FCHO1: variants seen among roughly 807,000 people sequenced by gnomAD.
FCHO1 encodes the protein F-BAR domain only protein 1.
In FCHO1, 45 loss-of-function variants were observed where a neutral mutation model predicts 114.4. The ratio of observed to expected loss-of-function variants is 0.39; its 90% CI spans 0.31 to 0.50. The LOEUF (loss-of-function observed/expected upper bound fraction) is 0.50. Among genes scored for constraint, FCHO1 ranks in the 20% least tolerant of loss-of-function variants. FCHO1 has a pLI of 0.77. For missense variants in FCHO1, 1,042 were observed against 1,209.6 expected, an observed-to-expected ratio of 0.86 and a Z score of 2.06; for synonymous variants, 480 against 488.9, an observed-to-expected ratio of 0.98 and a Z score of 0.24.
chr19:17,786,434 C>A, intron 26 of FCHO1, 140 bp from the exon 27 acceptor site: 2 of 767,508 alleles, frequency 2.6e-6, no homozygotes, highest in Non-Finnish European at 4.3e-6. Context: ...ATCTCACCCT[C>A]ATTTCACAGA....
rs771353070 is a variant in FCHO1, at chr19:17,778,098, G to T, written c.1260-39G>T. 6 of 1,525,400 alleles carry T rather than the reference G, an allele frequency of 3.9e-6. No individual in the cohort carries two copies. The Admixed American group carries it at 8.4e-5, about 21-fold the overall frequency. 94.5% of individuals were successfully genotyped at this position (1,525,400 alleles called of 1,614,324 possible). A position where few individuals can be genotyped will look rare whatever the true frequency, so the allele number is the denominator to read the frequency against. On this transcript the variant is annotated intron_variant, in intron 18 of 28. Transcript: ENST00000596536. ...GGCCCCAGGGTGGGATGAGGCTTGG[G>T]AAAAATAGAAGCAGCCCTCTTGGCC...
At chr19:17,787,214 ACT>A (rs1302102273) in intron 27 of FCHO1, among the ~76,000 whole-genome samples, 7 of 111,204 alleles carry the variant, frequency 6.3e-5, no homozygotes, top group Non-Finnish European at 1.2e-4. Flanking sequence ...ACAGAGCGAG[ACT>A]CTGTCTCAAA....
chr19:17,772,579 T>G, intron 10 of FCHO1, 24 bp downstream of exon 10: 2 of 1,613,738 alleles, frequency 1.2e-6, no homozygotes, highest in Non-Finnish European at 1.7e-6. Context: ...GTGTGAGGAA[T>G]GAGGCTGGGG....
Position 17,778,225 on chromosome 19 carries a change from A to C in FCHO1, c.1348A>C (p.Thr450Pro). 6.2e-7 allele frequency: 1 copy of C among 1,612,856 alleles called. No individual in the cohort carries two copies. Among genetic ancestry groups the C allele is most frequent in the Non-Finnish European group, 8.5e-7 (1 of 1,179,082 alleles). The change falls in exon 19 of 29, where the codon ACA becomes CCA. Residue 450 changes from threonine to proline, a missense_variant. This residue lies in a region of FCHO1 where 455 missense variants were observed against 455.4 expected (regional missense o/e 1.00). Coordinates refer to ENST00000596536, the MANE Select transcript of FCHO1 (RefSeq NM_015122.3). The stretch of plus-strand genomic sequence containing the variant: ...GTCAGCCTTTGACCACGAAGATTTT[A>C]CAGGTGATGGGGATAAGGGATTGGA... Reference protein sequence around the residue: ...LESAFDHEDFTGSSSLGFTSS... With the variant: ...LESAFDHEDFPGSSSLGFTSS...
At position 17,766,685 on chromosome 19, in the gene FCHO1, T is replaced by G; in HGVS notation, c.211T>G (p.Trp71Gly). 1.9e-6 allele frequency: 3 copies of G among 1,614,142 alleles called. No individual in the cohort carries two copies. Among genetic ancestry groups the G allele is most frequent in the Non-Finnish European group, 2.5e-6 (3 of 1,180,022 alleles). Reference protein sequence around the residue: ...GTPMGTFAPLWEVFRVSSDKL... With the variant: ...GTPMGTFAPLGEVFRVSSDKL... ...CGCCCCCAGGACCTTCGCCCCGCTC[T>G]GGGAGGTCTTCCGCGTCTCCTCGGA... The change falls in exon 7 of 29, where the codon TGG (tryptophan) becomes GGG (glycine). Residue 71 changes from tryptophan to glycine, a missense_variant. Transcript: ENST00000596536.
Position 17,778,718 on chromosome 19 carries a change from C to A in FCHO1, c.1461C>A (p.Pro487=). The A allele has an allele frequency of 6.5e-7, 1 of 1,545,340 alleles. No homozygotes were observed. Among genetic ancestry groups the A allele is most frequent in the Non-Finnish European group, 8.7e-7 (1 of 1,150,164 alleles). ...LDSPSHAAPG[P]SPDSWVPRPG... ...CTCCGTCCCACGCGGCACCTGGCCC[C>A]TCCCCAGATTCCTGGGTCCCCCGCC... is the stretch of plus-strand genomic sequence containing the variant. Residue 487 remains proline, a synonymous_variant, in exon 20 of 29, where the codon CCC becomes CCA. Transcript: ENST00000596536.
chr19:17,781,239 C>T lies in FCHO1; in HGVS notation c.1636C>T (p.Pro546Ser). 1 of 1,612,760 alleles carries T rather than the reference C, an allele frequency of 6.2e-7. No homozygotes were observed. Among genetic ancestry groups the T allele is most frequent in the Non-Finnish European group, 8.5e-7 (1 of 1,179,186 alleles). ...LEALAGGDLMPAPADPTAREG... is the reference protein window; with the variant it reads ...LEALAGGDLMSAPADPTAREG... ...TTTGTACTCGCTCCTAGACCTGATG[C>T]CTGCACCTGCTGACCCCACAGCCAG... Residue 546 changes from proline (P) to serine (S), a missense_variant, in exon 21 of 29, where the codon CCT (proline) becomes TCT (serine). This residue lies in a region of FCHO1 where 455 missense variants were observed against 455.4 expected (regional missense o/e 1.00). Coordinates refer to ENST00000596536, the MANE Select transcript of FCHO1 (RefSeq NM_015122.3).
chr19:17,755,135 C>T lies in FCHO1; in HGVS notation c.-30C>T, dbSNP rs2083019002. ...CTCTTCAGACAGGCACTGGACGGGG[C>T]CTGCAGGGGTCTCCACAGAGACCAT... On this transcript the variant is annotated 5_prime_UTR_variant, in exon 4 of 29. Coordinates refer to ENST00000596536, the MANE Select transcript of FCHO1 (RefSeq NM_015122.3). 1 of 1,612,848 alleles carries T rather than the reference C, an allele frequency of 6.2e-7. No individual in the cohort carries two copies. Among genetic ancestry groups the T allele is most frequent in the South Asian group, 1.1e-5 (1 of 91,050 alleles).
Position 17,781,471 on chromosome 19 carries a change from CCCCA to C in FCHO1, c.1762_1765del (p.Pro588TrpfsTer40). 6.2e-7 allele frequency: 1 copy of C among 1,614,066 alleles called. No homozygotes were observed. Among genetic ancestry groups the C allele is most frequent in the Non-Finnish European group, 8.5e-7 (1 of 1,179,988 alleles). ...TTCCAGTCTCGTTCCCTGAGCCCCT[CCCCA>C]CTGGGCTCTTCAGCCGCCAGCACTG... is the stretch of plus-strand genomic sequence containing the variant. On this transcript the variant is annotated frameshift_variant, in exon 22 of 29. Coordinates refer to ENST00000596536, the MANE Select transcript of FCHO1 (RefSeq NM_015122.3). LOFTEE classifies it high-confidence loss of function.
At chr19:17,785,472 C>T (rs552153000) in intron 26 of FCHO1, among the ~76,000 whole-genome samples, 28 of 151,986 alleles carry the variant, frequency 1.8e-4, no homozygotes, top group Non-Finnish European at 2.9e-4. Flanking sequence ...ATCCACCCGC[C>T]TCGGCCTCCC....
At position 17,776,725 on chromosome 19, in the gene FCHO1, A is replaced by C. The variant is rs1599724387; in HGVS notation, c.1259+39A>C. The C allele has an allele frequency of 6.3e-7, 1 of 1,593,792 alleles. No individual in the cohort carries two copies. The highest frequency in any genetic ancestry group is 8.6e-7 in the Non-Finnish European group (1 of 1,164,174). The stretch of plus-strand genomic sequence containing the variant: ...GAGTGGGCAGGTGGGGGCTGTCCCC[A>C]CCTCCTCCCTCCACCTCCCCATGTC... On this transcript the variant is annotated intron_variant, in intron 18 of 28. Transcript: ENST00000596536. This position sits in a 1 kb window ranked among gnomAD's most constrained non-coding sequence, Gnocchi z 4.4.
At chr19:17,772,823 T>C in intron 11 of FCHO1, 82 bp downstream of exon 11, 1 of 934,384 alleles carries the variant, frequency 1.1e-6, no homozygotes, top group Admixed American at 2.4e-5. Flanking sequence ...AGCTAATTTT[T>C]TTTTTATTTT....
At chr19:17,769,847 TA>T (rs397789461) in intron 7 of FCHO1, among the ~76,000 whole-genome samples, 1 of 151,686 alleles carries the variant, frequency 6.6e-6, no homozygotes, top group Non-Finnish European at 1.5e-5. Context: ...TACTTTTTTT[TA>T]AAGTTAAAAA....
Position 17,772,443 on chromosome 19 carries a change from C to T in FCHO1, c.595-14C>T. 6.2e-7 allele frequency: 1 copy of T among 1,609,568 alleles called. No individual in the cohort carries two copies. The highest frequency in any genetic ancestry group is 1.1e-5 in the South Asian group (1 of 90,948). ...CTGACCTCCTTTCCACCTGCCTCTG[C>T]CCTCCTGCTTCAGCGCTTCCAAGCC... is the stretch of plus-strand genomic sequence containing the variant. On this transcript the variant is annotated splice_polypyrimidine_tract_variant and intron_variant, in intron 9 of 28. Coordinates refer to ENST00000596536, the MANE Select transcript of FCHO1 (RefSeq NM_015122.3).
At chr19:17,760,794 C>T (rs1264357036) in intron 4 of FCHO1, among the ~76,000 whole-genome samples, 1 of 152,120 alleles carries the variant, frequency 6.6e-6, no homozygotes, top group Non-Finnish European at 1.5e-5. Flanking sequence ...GGATTACAGG[C>T]ACCTGCCACC....
intron 9 of FCHO1, among the ~76,000 whole-genome samples, chr19:17,772,118 C>G (rs2091755939): frequency 6.6e-6 from 1 of 152,154 alleles, no homozygotes; most frequent in Non-Finnish European, 1.5e-5. Context: ...ACCACTATTT[C>G]TGCTTCTTAA....
chr19:17,776,783 T>G lies in FCHO1; in HGVS notation c.1259+97T>G. 8.5e-7 allele frequency: 1 copy of G among 1,179,064 alleles called. No individual in the cohort carries two copies. The highest frequency in any genetic ancestry group is 1.2e-6 in the Non-Finnish European group (1 of 811,456). 73.0% of individuals were successfully genotyped at this position (1,179,064 alleles called of 1,614,324 possible). A position where few individuals can be genotyped will look rare whatever the true frequency, so the allele number is the denominator to read the frequency against. On this transcript the variant is annotated intron_variant, in intron 18 of 28. Transcript: ENST00000596536. This position sits in a 1 kb window ranked among gnomAD's most constrained non-coding sequence, Gnocchi z 4.4. ...GGTGTTCTCTTGTCCCGGCTGGGAG[T>G]TGACGTCATGCTGGGGTTTTTTTGT...
intron 7 of FCHO1, among the ~76,000 whole-genome samples, chr19:17,770,003 A>C (rs138114042): frequency 9.9e-5 from 15 of 152,032 alleles, no homozygotes; most frequent in Admixed American, 3.9e-4. Flanking sequence ...ATTGCTATTA[A>C]AACACACACA....
chr19:17,778,956 G>A, intron 20 of FCHO1, 72 bp downstream of exon 20: 1 of 1,421,812 alleles, frequency 7.0e-7, no homozygotes, highest in Non-Finnish European at 9.2e-7. Context: ...GCTTTGGGCA[G>A]GGCCTGATCA....
Sources: allele counts gnomAD v4.1 joint callset (sites outside exome capture counted in the v4.1 genomes callset), GRCh38; gene constraint gnomAD v4.1.1; regional missense constraint gnomAD v4.1.1; non-coding constraint Gnocchi (gnomAD v3.1); transcripts MANE v1.5; gene names NCBI Gene and HGNC (gene_info 2026-07-23, HGNC 2026-07-21).